The following POLQ variants were observed in gnomAD, a reference collection of about 807,000 sequenced individuals.
The protein encoded by POLQ is epididymis secretory sperm binding protein.
A neutral mutation model predicts 259.2 loss-of-function variants in POLQ; 233 were observed. The ratio of observed to expected loss-of-function variants is 0.90; its 90% confidence interval spans 0.81 to 1.00. POLQ has a LOEUF of 1.00. Among genes scored for constraint, POLQ ranks in the 50% least tolerant of loss-of-function variants. The pLI, the probability that POLQ is intolerant of heterozygous loss-of-function variation, is 0.00. For missense variants in POLQ, 2,871 were observed against 3,051.6 expected (o/e 0.94, Z 1.39); for synonymous variants, 1,025 against 1,048.8 (o/e 0.98, Z 0.44).
Position 121,519,313 on chromosome 3 carries a change from C to T in POLQ, c.1468+558G>A, listed in dbSNP as rs142446286. 1.0e-4 allele frequency among the ~76,000 whole-genome samples: 15 copies of T among 146,028 alleles called. No homozygotes were observed. The East Asian group carries it at 2.8e-3, about 27-fold the overall frequency. ...CTAAATCATTTTATTGTATACAATA[C>T]GAAAGAAAAACTTAATTCAACATTT... On this transcript the variant is annotated intron_variant, in intron 9 of 29. Transcript: ENST00000264233.
intron 6 of POLQ, among the ~76,000 whole-genome samples, chr3:121,530,687 C>T (rs908926521): frequency 6.6e-6 from 1 of 152,140 alleles, no homozygotes; most frequent in East Asian, 1.9e-4. Flanking sequence ...ACTGTGGTGG[C>T]CCTGCAAGTT....
chr3:121,455,706 G>C (rs1425934842), intron 25 of POLQ, among the ~76,000 whole-genome samples: 2 of 152,156 alleles, frequency 1.3e-5, no homozygotes, highest in East Asian at 1.9e-4. Context: ...TCTCTGAATA[G>C]ACCAATAACA....
intron 7 of POLQ, among the ~76,000 whole-genome samples, chr3:121,524,737 A>G (rs1239551179): frequency 6.6e-6 from 1 of 152,148 alleles, no homozygotes; most frequent in East Asian, 1.9e-4. Context: ...GAGGGAAGAG[A>G]CAGCAAAAGA....
intron 21 of POLQ, 76 bp downstream of exon 21, chr3:121,473,274 C>T: frequency 8.0e-7 from 1 of 1,246,398 alleles, no homozygotes; most frequent in Non-Finnish European, 1.1e-6. Context: ...TTGATTTCAT[C>T]AGCATTCTTT....
chr3:121,517,401 A>C (rs2048306423), intron 9 of POLQ, among the ~76,000 whole-genome samples: 1 of 152,016 alleles, frequency 6.6e-6, no homozygotes, highest in Non-Finnish European at 1.5e-5. Context: ...CAAAATTTTC[A>C]GGGCTTAAAA....
At chr3:121,466,875 A>T (rs573924781) in intron 24 of POLQ, among the ~76,000 whole-genome samples, 3 of 152,196 alleles carry the variant, frequency 2.0e-5, no homozygotes, top group Non-Finnish European at 2.9e-5. Flanking sequence ...ATTTAAATAA[A>T]TTCAGATGGT....
chr3:121,545,821 C>A lies in POLQ; in HGVS notation c.57G>T (p.Ser19=), dbSNP rs1301897984. 1.2e-6 allele frequency: 2 copies of A among 1,613,874 alleles called. No homozygotes were observed. Among genetic ancestry groups the A allele is most frequent in the East Asian group, 4.5e-5 (2 of 44,882 alleles). The change falls in exon 1 of 30, where the codon TCG becomes TCT. Residue 19 remains serine (S), a synonymous_variant. Transcript: ENST00000264233. ...KRRRSESGSD[S]FSGSGGDSSA... ...TGCTGTCACCGCCGCTTCCCGAGAA[C>A]GAATCTGAGCCTGATTCTGAACGCC...
intron 8 of POLQ, among the ~76,000 whole-genome samples, chr3:121,520,302 G>A (rs1004096818): frequency 2.0e-5 from 3 of 152,254 alleles, no homozygotes; most frequent in South Asian, 4.2e-4. Flanking sequence ...GTGGGAGGCT[G>A]AGGCAGGTGG....
chr3:121,460,071 A>T lies in POLQ; in HGVS notation c.7131T>A (p.Asp2377Glu). 6.2e-7 allele frequency: 1 copy of T among 1,613,984 alleles called. No homozygotes were observed. The highest frequency in any genetic ancestry group is 8.5e-7 in the Non-Finnish European group (1 of 1,179,902). ...TCACCTGTTTTGCCTGCTGCCTCAG[A>T]TCATCCCCAACAGACTCTGGCTCAA... ...KMIEPESVGD[D>E]LRQQAKQICY... The change falls in exon 25 of 30, where the codon GAT (aspartate) becomes GAA (glutamate). Residue 2377 changes from aspartate (D) to glutamate (E), a missense_variant. Physicochemically the swap from Asp to Glu is conservative, Grantham distance 45 (BLOSUM62 2). Transcript: ENST00000264233.
rs2048327178 is a variant in POLQ, at chr3:121,520,063, C to A, written c.1276G>T (p.Asp426Tyr). ...HHAGLTFEER[D>Y]IIEGAFRQGL... ...TGACGAAAGGCTCCTTCAATGATAT[C>A]CCTCTCCTCAAAAGTAAGACCTAAA... Residue 426 changes from aspartate (D) to tyrosine (Y), a missense_variant, in exon 9 of 30, where the codon GAT becomes TAT. Physicochemically the swap from Asp to Tyr is radical, Grantham distance 160. Coordinates refer to ENST00000264233, the MANE Select transcript of POLQ (RefSeq NM_199420.4). 2 of 1,611,096 alleles carry A rather than the reference C, an allele frequency of 1.2e-6. No homozygotes were observed. The highest frequency in any genetic ancestry group is 1.7e-6 in the Non-Finnish European group (2 of 1,177,604).
chr3:121,459,510 T>G (rs1008027539), intron 25 of POLQ, among the ~76,000 whole-genome samples: 9 of 151,256 alleles, frequency 6.0e-5, no homozygotes, highest in Non-Finnish European at 1.0e-4. Context: ...GCCTCCCAAG[T>G]AGCTGGGACT....
At chr3:121,486,505 C>A (rs758368043) in intron 16 of POLQ, among the ~76,000 whole-genome samples, 4 of 150,402 alleles carry the variant, frequency 2.7e-5, no homozygotes, top group Non-Finnish European at 4.4e-5. Context: ...AGTGAGCCGA[C>A]ATCATGCCAC....
Position 121,518,815 on chromosome 3 carries a change from A to G in POLQ, c.1468+1056T>C, listed in dbSNP as rs761813474. ...GAGTCAATTATGTCCTACAGTAGAA[A>G]GATGACAATTATGTCCTAGAGTAGA... On this transcript the variant is annotated intron_variant, in intron 9 of 29. Coordinates refer to ENST00000264233, the MANE Select transcript of POLQ (RefSeq NM_199420.4). Among the ~76,000 whole-genome samples the G allele has an allele frequency of 2.6e-4, 39 of 152,158 alleles. 1 individual carries two copies. Among genetic ancestry groups the G allele is most frequent in the Non-Finnish European group, 4.4e-5 (3 of 68,026 alleles).
At chr3:121,538,842 G>T (rs969397945) in intron 4 of POLQ, among the ~76,000 whole-genome samples, 2 of 152,038 alleles carry the variant, frequency 1.3e-5, no homozygotes, top group Non-Finnish European at 2.9e-5. Context: ...AAGTTCACCA[G>T]CTTCTCAATA....
intron 25 of POLQ, among the ~76,000 whole-genome samples, chr3:121,459,707 A>G (rs2047775572): frequency 6.6e-6 from 1 of 152,152 alleles, no homozygotes; most frequent in Non-Finnish European, 1.5e-5. Context: ...AAGTATACAT[A>G]TGTGCACACA....
chr3:121,473,354 C>T lies in POLQ; in HGVS notation c.6539G>A (p.Ser2180Asn), dbSNP rs765192505. ...TGTGACTGCCCCAAAGAGCACCTTA[C>T]TAGTGCTGAACTGTCTTCCCAGCCT... ...KLRLGRQFST[S>N]KDVLNKLKAL... The change falls in exon 21 of 30, where the codon AGT (serine) becomes AAT (asparagine). Residue 2180 changes from serine (S) to asparagine (N), a missense_variant. Ser to Asn is a conservative substitution (Grantham distance 46, BLOSUM62 1). Coordinates refer to ENST00000264233, the MANE Select transcript of POLQ (RefSeq NM_199420.4). 33 of 1,612,598 alleles carry T rather than the reference C, an allele frequency of 2.0e-5. No homozygotes were observed. The highest frequency in any genetic ancestry group is 3.4e-5 in the Admixed American group (2 of 59,690).
chr3:121,488,609 T>C lies in POLQ; in HGVS notation c.4322A>G (p.Gln1441Arg), dbSNP rs779151176. The C allele has an allele frequency of 1.2e-6, 2 of 1,606,174 alleles. No homozygotes were observed. Among genetic ancestry groups the C allele is most frequent in the Non-Finnish European group, 1.7e-6 (2 of 1,177,482 alleles). Residue 1441 changes from glutamine to arginine, a missense_variant, in exon 16 of 30, where the codon CAA (glutamine) becomes CGA (arginine). Transcript: ENST00000264233. ...ATAACCTTGAAGAAAACTATTTAAT[T>C]GTGAATCAGTAACAGAAACTTCATT... ...KKNEVSVTDS[Q>R]LNSFLQGYQT... is the part of the protein sequence containing the mutation.
chr3:121,481,515 T>G, intron 19 of POLQ, 57 bp downstream of exon 19: 1 of 1,455,644 alleles, frequency 6.9e-7, no homozygotes, highest in Non-Finnish European at 9.3e-7. Context: ...TGATAAAGAG[T>G]GGCTAAATCT....
chr3:121,450,728 CCTT>C (rs1262534192), intron 25 of POLQ, among the ~76,000 whole-genome samples: 1 of 152,072 alleles, frequency 6.6e-6, no homozygotes, highest in African/African-American at 2.4e-5. Flanking sequence ...AACATTTTTT[CCTT>C]CATTTCAACT....
Sources: allele counts gnomAD v4.1 joint callset (sites outside exome capture counted in the v4.1 genomes callset), GRCh38; gene constraint gnomAD v4.1.1; transcripts MANE v1.5; gene names NCBI Gene and HGNC (gene_info 2026-07-23, HGNC 2026-07-21).